Variants in TMPRSS4 observed in about 807,000 individuals in gnomAD.
TMPRSS4 encodes transmembrane serine protease 4.
Under a neutral mutation model 56.4 loss-of-function variants are expected in TMPRSS4, and 45 were observed. That is an observed-to-expected ratio of 0.80 (90% CI 0.63 to 1.02). TMPRSS4 has a LOEUF of 1.02. Ranked by LOEUF, TMPRSS4 falls within the 50% of genes least tolerant of loss-of-function variation. The pLI is 0.00. For missense variants in TMPRSS4, 546 were observed against 556.7 expected, an observed-to-expected ratio of 0.98 and a Z score of 0.19; for synonymous variants, 205 against 211.0, an observed-to-expected ratio of 0.97 and a Z score of 0.25.
rs1459073057 is a variant in TMPRSS4, at chr11:118,099,004, A to T, written c.63A>T (p.Lys21Asn). The change falls in exon 3 of 13, where the codon AAA (lysine) becomes AAT (asparagine). Residue 21 changes from lysine to asparagine, a missense_variant. By Grantham distance (94) the Lys-to-Asn change is moderately conservative. Transcript: ENST00000437212. Reference protein sequence around the residue: ...LNSLDVKPLRKPRIPMETFRK... With the variant: ...LNSLDVKPLRNPRIPMETFRK... ...TTGCAGATGTCAAACCCCTGCGCAA[A>T]CCCCGTATCCCCATGGAGACCTTCA... 6.2e-7 allele frequency: 1 copy of T among 1,613,186 alleles called. No individual in the cohort carries two copies. The highest frequency in any genetic ancestry group is 8.5e-7 in the Non-Finnish European group (1 of 1,179,512).
Position 118,099,024 on chromosome 11 carries a change from C to T in TMPRSS4, c.83C>T (p.Thr28Ile). 1 of 1,613,968 alleles carries T rather than the reference C, an allele frequency of 6.2e-7. No individual in the cohort carries two copies. The highest frequency in any genetic ancestry group is 8.5e-7 in the Non-Finnish European group (1 of 1,179,952). ...CGCAAACCCCGTATCCCCATGGAGA[C>T]CTTCAGAAAGGTGGGGATCCCCATC... is the stretch of plus-strand genomic sequence containing the variant. ...PLRKPRIPME[T>I]FRKVGIPIII... is the part of the protein sequence containing the mutation. Residue 28 changes from threonine (T) to isoleucine (I), a missense_variant, in exon 3 of 13, where the codon ACC becomes ATC. Coordinates refer to ENST00000437212, the MANE Select transcript of TMPRSS4 (RefSeq NM_019894.4).
intron 8 of TMPRSS4, among the ~76,000 whole-genome samples, chr11:118,112,492 A>G (rs750224673): frequency 6.9e-6 from 1 of 145,906 alleles, no homozygotes; most frequent in African/African-American, 2.6e-5. Flanking sequence ...TCCTGAGTTC[A>G]AGCAATTCTC....
rs947100987 is a variant in TMPRSS4 at position 118,118,472 on chromosome 11, T to C, written c.*559T>C. ...CATCTCTGGCATAGGCTAGCTGGAA[T>C]GCTTGATAAGAACTGAGCTGGGATG... On this transcript the variant is annotated 3_prime_UTR_variant, in exon 13 of 13. Coordinates refer to ENST00000437212, the MANE Select transcript of TMPRSS4 (RefSeq NM_019894.4). 7 of 986,072 alleles carry C rather than the reference T, an allele frequency of 7.1e-6. No homozygotes were observed. The African/African-American group carries it at 8.7e-5, about 12-fold the overall frequency. 61.1% of individuals were successfully genotyped at this position (986,072 alleles called of 1,614,324 possible).
chr11:118,089,983 T>C (rs1014364092), intron 1 of TMPRSS4, among the ~76,000 whole-genome samples: 1 of 152,176 alleles, frequency 6.6e-6, no homozygotes, highest in African/African-American at 2.4e-5. Context: ...TAGCTGGGAT[T>C]ACAGGCGCGT....
intron 7 of TMPRSS4, among the ~76,000 whole-genome samples, chr11:118,110,956 G>A (rs559289546): frequency 6.6e-6 from 1 of 152,356 alleles, no homozygotes; most frequent in East Asian, 1.9e-4. Context: ...GAAACAGCAG[G>A]AGGCTGCTAG....
At chr11:118,098,944 T>C in intron 2 of TMPRSS4, 41 bp from the exon 3 acceptor site, 1 of 1,525,306 alleles carries the variant, frequency 6.6e-7, no homozygotes, top group Non-Finnish European at 9.1e-7. Flanking sequence ...CACCAAGTGC[T>C]GACTGCATGC....
At chr11:118,115,359 T>C in intron 11 of TMPRSS4, 79 bp downstream of exon 11, 1 of 1,537,356 alleles carries the variant, frequency 6.5e-7, no homozygotes, top group Non-Finnish European at 8.8e-7. Context: ...AGAGGCTGCA[T>C]GCCCTACAGG....
intron 1 of TMPRSS4, among the ~76,000 whole-genome samples, chr11:118,085,761 T>C (rs1945503659): frequency 6.6e-6 from 1 of 152,084 alleles, no homozygotes; most frequent in South Asian, 2.1e-4. Context: ...CTTCTGGCCC[T>C]CTCGAGTCCC....
At chr11:118,113,482 C>A in intron 9 of TMPRSS4, 47 bp downstream of exon 9, 1 of 1,597,766 alleles carries the variant, frequency 6.3e-7, no homozygotes, top group South Asian at 1.1e-5. Flanking sequence ...CATCAGTTTT[C>A]ACGCCCACTC....
At chr11:118,107,694 G>A in intron 5 of TMPRSS4, 80 bp from the exon 6 acceptor site, 1 of 1,243,672 alleles carries the variant, frequency 8.0e-7, no homozygotes, top group Admixed American at 2.0e-5. Context: ...TCTTTCTCCT[G>A]AAAGTGGGGG....
intron 1 of TMPRSS4, among the ~76,000 whole-genome samples, chr11:118,093,127 G>T (rs1373968987): frequency 6.6e-6 from 1 of 152,234 alleles, no homozygotes; most frequent in Non-Finnish European, 1.5e-5. Context: ...CCAAGGGCAA[G>T]GCCAGGCATG....
chr11:118,113,253 C>T lies in TMPRSS4; in HGVS notation c.744-16C>T. 1 of 1,611,674 alleles carries T rather than the reference C, an allele frequency of 6.2e-7. No individual in the cohort carries two copies. Among genetic ancestry groups the T allele is most frequent in the Non-Finnish European group, 8.5e-7 (1 of 1,178,596 alleles). Reference sequence around the variant, plus strand: ...AGGCTTGGATCAGGCCTGAACCCAGCTGTCTCTACCCCCAGGAAACATACC... The same window carrying T: ...AGGCTTGGATCAGGCCTGAACCCAGTTGTCTCTACCCCCAGGAAACATACC... On this transcript the variant is annotated splice_polypyrimidine_tract_variant and intron_variant, in intron 8 of 12. Transcript: ENST00000437212.
At chr11:118,103,078 C>T (rs773660020) in intron 3 of TMPRSS4, 23 bp from the exon 4 acceptor site, 1 of 1,613,200 alleles carries the variant, frequency 6.2e-7, no homozygotes, top group Non-Finnish European at 8.5e-7. Context: ...CCCTCTCTGC[C>T]TCTCCCTGCA....
At position 118,098,917 on chromosome 11, in the gene TMPRSS4, G is replaced by A. The variant is rs1946564043; in HGVS notation, c.44-68G>A. On this transcript the variant is annotated intron_variant, in intron 2 of 12. Transcript: ENST00000437212. ...ACCGGCCAGAAGGCAGGAGGCTGTG[G>A]AGTTTGGCTCAGGGATCACCAAGTG... 6 of 1,260,236 alleles carry A rather than the reference G, an allele frequency of 4.8e-6. No homozygotes were observed. In the Admixed American group the frequency reaches 1.1e-4, roughly 22 times the overall value. The allele number at this position is 1,260,236 out of a possible 1,614,324, so 78.1% of individuals were successfully genotyped here.
At chr11:118,097,832 A>C (rs943663427) in intron 2 of TMPRSS4, among the ~76,000 whole-genome samples, 2 of 152,136 alleles carry the variant, frequency 1.3e-5, no homozygotes, top group African/African-American at 4.8e-5. Context: ...GTACAATGGC[A>C]CAATCTCAGC....
At chr11:118,084,414 G>A (rs533755790) in intron 1 of TMPRSS4, among the ~76,000 whole-genome samples, 1 of 152,348 alleles carries the variant, frequency 6.6e-6, no homozygotes, top group South Asian at 2.1e-4. Flanking sequence ...AAGTCAGAGA[G>A]GCAGAGAAGA....
intron 5 of TMPRSS4, chr11:118,106,810 AC>A (rs1383894613): frequency 6.6e-6 from 1 of 152,296 alleles, no homozygotes; most frequent in African/African-American, 2.4e-5. Flanking sequence ...AGAGGGGGAA[AC>A]TGAGGCTTGG....
Position 118,103,133 on chromosome 11 carries a change from T to A in TMPRSS4, c.190T>A (p.Cys64Ser). 6.2e-7 allele frequency: 1 copy of A among 1,614,210 alleles called. No individual in the cohort carries two copies. The highest frequency in any genetic ancestry group is 8.5e-7 in the Non-Finnish European group (1 of 1,180,038). The change falls in exon 4 of 13, where the codon TGC (cysteine) becomes AGC (serine). Residue 64 changes from cysteine to serine, a missense_variant. By Grantham distance (112) the Cys-to-Ser change is moderately radical. Transcript: ENST00000437212. ...KVILDKYYFL[C>S]GQPLHFIPRK... ...GATTCTGGATAAATACTACTTCCTC[T>A]GCGGGCAGCCTCTCCACTTCATCCC...
chr11:118,114,762 A>G, intron 9 of TMPRSS4, 67 bp from the exon 10 acceptor site: 1 of 1,446,134 alleles, frequency 6.9e-7, no homozygotes, highest in Non-Finnish European at 9.5e-7. Context: ...ATAAAGCATC[A>G]TAATTTACAG....
Sources: gnomAD v4.1 joint callset for allele counts (sites outside exome capture counted in the v4.1 genomes callset) on GRCh38, gnomAD v4.1.1 for gene constraint, MANE v1.5 for transcripts, NCBI Gene and HGNC (gene_info 2026-07-23, HGNC 2026-07-21) for gene names.